The following CAMKMT variants were observed in gnomAD, a reference collection of about 807,000 sequenced individuals.
CAMKMT encodes calmodulin-lysine N-methyltransferase, also known as CaM KMT.
CAMKMT carries 53 observed loss-of-function variants against 48.0 expected under a neutral mutation model. That is an observed-to-expected ratio of 1.10 (90% CI 0.89 to 1.39). The LOEUF (loss-of-function observed/expected upper bound fraction) is 1.39. Among genes scored for constraint, CAMKMT ranks in the 40% most tolerant of loss-of-function variants. The pLI is 0.00. For missense variants in CAMKMT, 428 were observed against 402.7 expected (o/e 1.06, Z -0.54); for synonymous variants, 165 against 152.3 (o/e 1.08, Z -0.61).
At chr2:44,586,208 G>A (rs914032066) in intron 3 of CAMKMT, among the ~76,000 whole-genome samples, 3 of 151,856 alleles carry the variant, frequency 2.0e-5, no homozygotes, top group Admixed American at 1.3e-4. Flanking sequence ...AATCTGATAG[G>A]GTTTCAGGAT....
intron 3 of CAMKMT, among the ~76,000 whole-genome samples, chr2:44,666,867 C>G (rs1675011995): frequency 6.6e-6 from 1 of 152,190 alleles, no homozygotes. Context: ...CTCGGCCTCC[C>G]AAAGTGCTGG....
chr2:44,462,027 A>G lies in CAMKMT; in HGVS notation c.376+71722A>G, dbSNP rs1667873185. 2.0e-5 allele frequency among the ~76,000 whole-genome samples: 3 copies of G among 152,128 alleles called. No individual in the cohort carries two copies. In the South Asian group the frequency reaches 6.2e-4, roughly 31 times the overall value. On this transcript the variant is annotated intron_variant, in intron 3 of 10. Transcript: ENST00000378494. ...TGCTTACATATTTCTACTTCCAATTATGTTTCCTTTCTCCTTATATCTTTG... is the reference window on the plus strand; with the variant it reads ...TGCTTACATATTTCTACTTCCAATTGTGTTTCCTTTCTCCTTATATCTTTG...
At chr2:44,386,828 A>C (rs1461038089) in intron 2 of CAMKMT, among the ~76,000 whole-genome samples, 2 of 152,064 alleles carry the variant, frequency 1.3e-5, no homozygotes, top group African/African-American at 4.8e-5. Context: ...ATGGTTTTGA[A>C]GGTTCCTTTT....
rs570093188 is a variant in CAMKMT at position 44,629,542 on chromosome 2, A to C, written c.377-74741A>C. ...TCTCCACCTCCACAATGGCTCAAGC[A>C]ATCCTCCCACCTTGACCTCCCAGGT... is the stretch of plus-strand genomic sequence containing the variant. On this transcript the variant is annotated intron_variant, in intron 3 of 10. Coordinates refer to ENST00000378494, the MANE Select transcript of CAMKMT (RefSeq NM_024766.5). Among the ~76,000 whole-genome samples the C allele has an allele frequency of 2.6e-5, 4 of 150,970 alleles. No individual in the cohort carries two copies. In the East Asian group the frequency reaches 7.8e-4, roughly 29 times the overall value.
chr2:44,751,420 GT>G (rs1680151621), intron 8 of CAMKMT, among the ~76,000 whole-genome samples: 1 of 152,174 alleles, frequency 6.6e-6, no homozygotes. Context: ...AAACCTCTCT[GT>G]GCCTCCATTT....
At chr2:44,662,676 G>A (rs558151315) in intron 3 of CAMKMT, among the ~76,000 whole-genome samples, 2 of 152,186 alleles carry the variant, frequency 1.3e-5, no homozygotes, top group African/African-American at 4.8e-5. Context: ...CACTGCTCAG[G>A]TAATCCTCTC....
chr2:44,624,741 T>C (rs1450430437), intron 3 of CAMKMT, among the ~76,000 whole-genome samples: 1 of 152,140 alleles, frequency 6.6e-6, no homozygotes, highest in African/African-American at 2.4e-5. Context: ...GACATTTGGG[T>C]TGGTTCCAAG....
chr2:44,690,534 T>C (rs1409123196), intron 3 of CAMKMT, among the ~76,000 whole-genome samples: 1 of 152,200 alleles, frequency 6.6e-6, no homozygotes, highest in Non-Finnish European at 1.5e-5. Flanking sequence ...ATTCTGTTTA[T>C]GCTGTATTTC....
intron 7 of CAMKMT, among the ~76,000 whole-genome samples, chr2:44,726,259 G>A (rs917129218): frequency 1.4e-4 from 22 of 152,264 alleles, no homozygotes; most frequent in Admixed American, 7.9e-4. Flanking sequence ...GTGTGTAAGC[G>A]TTCCCTTTTC....
At chr2:44,771,902 G>T in intron 10 of CAMKMT, 134 bp from the exon 11 acceptor site, 14 of 541,474 alleles carry the variant, frequency 2.6e-5, no homozygotes, top group Non-Finnish European at 3.6e-5. Context: ...ACTTTGAGTT[G>T]CTTTTCTGTG....
chr2:44,646,722 T>C (rs1330571905), intron 3 of CAMKMT, among the ~76,000 whole-genome samples: 5 of 152,192 alleles, frequency 3.3e-5, no homozygotes, highest in African/African-American at 1.2e-4. Context: ...GGAAACACTT[T>C]ATTCAAATTG....
intron 8 of CAMKMT, among the ~76,000 whole-genome samples, chr2:44,752,457 T>G (rs1680194012): frequency 6.6e-6 from 1 of 152,112 alleles, no homozygotes; most frequent in Non-Finnish European, 1.5e-5. Flanking sequence ...GCTGGACAAC[T>G]CTCCTGGTGT....
intron 2 of CAMKMT, among the ~76,000 whole-genome samples, chr2:44,380,574 T>C (rs1680139088): frequency 6.6e-6 from 1 of 152,178 alleles, no homozygotes; most frequent in Admixed American, 6.5e-5. Context: ...GAACAGTCCT[T>C]AAGTTTGGAA....
intron 3 of CAMKMT, among the ~76,000 whole-genome samples, chr2:44,531,870 A>G (rs987668108): frequency 6.6e-6 from 1 of 152,228 alleles, no homozygotes; most frequent in Non-Finnish European, 1.5e-5. Context: ...GTTTTGTCTT[A>G]TCACAGTTTT....
In CAMKMT at chr2:44,696,631, A is replaced by C. The variant is rs575885835; in HGVS notation, c.377-7652A>C. Among the ~76,000 whole-genome samples, 8 of 152,284 alleles carry C rather than the reference A, an allele frequency of 5.3e-5. No individual in the cohort carries two copies. The South Asian group carries it at 1.7e-3, about 32-fold the overall frequency. ...AGAATACGAAAAGCCAGGTGGAGTGACTAAGTGAACATATGCAGACTGAAT... is the reference window on the plus strand; with the variant it reads ...AGAATACGAAAAGCCAGGTGGAGTGCCTAAGTGAACATATGCAGACTGAAT... On this transcript the variant is annotated intron_variant, in intron 3 of 10. Coordinates refer to ENST00000378494, the MANE Select transcript of CAMKMT (RefSeq NM_024766.5).
chr2:44,513,156 C>T (rs1436997429), intron 3 of CAMKMT, among the ~76,000 whole-genome samples: 1 of 152,088 alleles, frequency 6.6e-6, no homozygotes, highest in African/African-American at 2.4e-5. Context: ...GAGAAATGCC[C>T]TCAGGCCGCT....
chr2:44,558,629 CA>C (rs1668152367), intron 3 of CAMKMT, among the ~76,000 whole-genome samples: 1 of 152,120 alleles, frequency 6.6e-6, no homozygotes, highest in Admixed American at 6.5e-5. Flanking sequence ...ATGTCCTTTA[CA>C]GCAACATGGA....
intron 3 of CAMKMT, among the ~76,000 whole-genome samples, chr2:44,542,531 A>T (rs866099380): frequency 1.8e-3 from 108 of 60,286 alleles, no homozygotes; most frequent in African/African-American, 4.2e-3. Flanking sequence ...ACACACACAC[A>T]CACACACTCT....
chr2:44,410,658 A>G (rs1298412161), intron 3 of CAMKMT, among the ~76,000 whole-genome samples: 1 of 152,128 alleles, frequency 6.6e-6, no homozygotes, highest in Non-Finnish European at 1.5e-5. Context: ...ATTCAAAGCA[A>G]TATGTCAGTT....
Sources: allele counts gnomAD v4.1 joint callset (sites outside exome capture counted in the v4.1 genomes callset), GRCh38; gene constraint gnomAD v4.1.1; transcripts MANE v1.5; gene names NCBI Gene and HGNC (gene_info 2026-07-23, HGNC 2026-07-21).